Variants in DHRSX observed in about 807,000 individuals in gnomAD.
DHRSX encodes polyprenol dehydrogenase.
In DHRSX, 31 loss-of-function variants were observed where a neutral mutation model predicts 34.0. That is an observed-to-expected ratio of 0.91 (90% CI 0.69 to 1.23). The LOEUF is 1.23. Among genes scored for constraint, DHRSX ranks in the 50% most tolerant of loss-of-function variants. DHRSX has a pLI of 0.00. For synonymous variants in DHRSX, 201 were observed against 183.8 expected, an observed-to-expected ratio of 1.09 and a Z score of -0.76; for missense variants, 414 against 428.1, an observed-to-expected ratio of 0.97 and a Z score of 0.29.
chrX:2,499,439 A>G (rs764444449), intron 1 of DHRSX, among the ~76,000 whole-genome samples: 52 of 151,808 alleles, frequency 3.4e-4, no homozygotes, highest in Admixed American at 5.9e-4. Flanking sequence ...CCTTTATTCC[A>G]GTTCACAAAT....
intron 3 of DHRSX, among the ~76,000 whole-genome samples, chrX:2,345,431 T>C (rs1163910012): frequency 6.6e-6 from 1 of 151,540 alleles, no homozygotes; most frequent in Non-Finnish European, 1.5e-5. Flanking sequence ...TCATCTGAGG[T>C]CAGGAGTTTG....
At chrX:2,303,869 G>GTGGATGGGTGGA (rs1569485740) in intron 3 of DHRSX, among the ~76,000 whole-genome samples, 1 of 108,272 alleles carries the variant, frequency 9.2e-6, no homozygotes. Flanking sequence ...GGGTGGATGG[G>GTGGATGGGTGGA]TGGATGGGTG....
chrX:2,314,458 GAAGGAAGGGGA>G (rs1569487297), intron 3 of DHRSX, among the ~76,000 whole-genome samples: 16 of 107,758 alleles, frequency 1.5e-4, no homozygotes, highest in Admixed American at 2.5e-4. Flanking sequence ...GAGAAGGGAG[GAAGGAAGGGGA>G]GAAGGAAGGA....
At chrX:2,283,558 G>A (rs181287800) in intron 4 of DHRSX, among the ~76,000 whole-genome samples, 120 of 152,218 alleles carry the variant, frequency 7.9e-4, no homozygotes, top group African/African-American at 2.7e-3. Context: ...AAAGACAGGA[G>A]ATGGCTGCTC....
intron 1 of DHRSX, among the ~76,000 whole-genome samples, chrX:2,474,950 A>T (rs2044654109): frequency 6.6e-6 from 1 of 150,768 alleles, no homozygotes; most frequent in Non-Finnish European, 1.5e-5. Flanking sequence ...GGGAAGGGAC[A>T]GCACTAAAGA....
chrX:2,245,440 C>G (rs2016253729), intron 5 of DHRSX, among the ~76,000 whole-genome samples: 1 of 151,900 alleles, frequency 6.6e-6, no homozygotes, highest in Non-Finnish European at 1.5e-5. Context: ...TCCCGAGTAG[C>G]TGGGATTACC....
chrX:2,412,361 G>A (rs1603065009), intron 2 of DHRSX, among the ~76,000 whole-genome samples: 2 of 152,198 alleles, frequency 1.3e-5, no homozygotes, highest in African/African-American at 2.4e-5. Flanking sequence ...TGGGATGACA[G>A]ACATGAGCCA....
chrX:2,391,132 T>A (rs1476758882), intron 3 of DHRSX, among the ~76,000 whole-genome samples: 2 of 152,214 alleles, frequency 1.3e-5, no homozygotes, highest in African/African-American at 4.8e-5. Flanking sequence ...TGTGCAAATA[T>A]CTGTTGGAGA....
At chrX:2,366,905 G>A (rs2043000337) in intron 3 of DHRSX, among the ~76,000 whole-genome samples, 1 of 151,928 alleles carries the variant, frequency 6.6e-6, no homozygotes, top group African/African-American at 2.4e-5. Context: ...TCATTCGTGT[G>A]TACAATATTC....
chrX:2,307,117 A>C (rs2042107799), intron 3 of DHRSX, among the ~76,000 whole-genome samples: 1 of 152,146 alleles, frequency 6.6e-6, no homozygotes, highest in Non-Finnish European at 1.5e-5. Flanking sequence ...TATACCGTAG[A>C]ATAGTATAGA....
intron 6 of DHRSX, among the ~76,000 whole-genome samples, chrX:2,235,428 A>G (rs1001603667): frequency 1.3e-4 from 20 of 152,128 alleles, no homozygotes; most frequent in African/African-American, 4.6e-4. Context: ...CCTTAAATTT[A>G]TAATAAATAA....
chrX:2,364,009 A>T (rs1421701412), intron 3 of DHRSX, among the ~76,000 whole-genome samples: 1 of 152,036 alleles, frequency 6.6e-6, no homozygotes, highest in Non-Finnish European at 1.5e-5. Context: ...GAGACCCCTG[A>T]TCCACACAGC....
intron 3 of DHRSX, among the ~76,000 whole-genome samples, chrX:2,375,369 G>A (rs917012480): frequency 2.9e-5 from 4 of 138,016 alleles, no homozygotes; most frequent in Admixed American, 2.9e-4. Context: ...GGATATCATG[G>A]GCAGCATTGA....
At chrX:2,381,277 T>A (rs1407645723) in intron 3 of DHRSX, among the ~76,000 whole-genome samples, 1 of 152,128 alleles carries the variant, frequency 6.6e-6, no homozygotes, top group Non-Finnish European at 1.5e-5. Context: ...ATGAGTGTCC[T>A]TCTAAAAGGG....
chrX:2,444,694 G>C (rs1450648171), intron 1 of DHRSX, among the ~76,000 whole-genome samples: 1 of 151,960 alleles, frequency 6.6e-6, no homozygotes, highest in African/African-American at 2.4e-5. Flanking sequence ...AACTTGCCTG[G>C]GCATGATGGC....
chrX:2,303,341 T>G (rs1298524536), intron 3 of DHRSX, among the ~76,000 whole-genome samples: 1 of 152,112 alleles, frequency 6.6e-6, no homozygotes, highest in Non-Finnish European at 1.5e-5. Context: ...GATGGGATCA[T>G]GGAGGTGGAT....
At chrX:2,265,874 C>T (rs2041455507) in intron 5 of DHRSX, among the ~76,000 whole-genome samples, 2 of 141,520 alleles carry the variant, frequency 1.4e-5, no homozygotes, top group African/African-American at 2.7e-5. Flanking sequence ...CCCAGAGCAC[C>T]AATGCTCGGC....
intron 6 of DHRSX, among the ~76,000 whole-genome samples, chrX:2,225,419 CTCAT>C (rs1429361443): frequency 6.6e-6 from 1 of 152,126 alleles, no homozygotes; most frequent in East Asian, 1.9e-4. Flanking sequence ...CATTCACATA[CTCAT>C]TCACATGCAT....
chrX:2,331,436 G>GTTTTTTTTTTTTT lies in DHRSX; in HGVS notation c.287-39846_287-39834dup, dbSNP rs1159991841. Among the ~76,000 whole-genome samples the GTTTTTTTTTTTTT allele has an allele frequency of 2.7e-3, 255 of 94,638 alleles. 32 individuals are homozygous for GTTTTTTTTTTTTT. Among genetic ancestry groups the GTTTTTTTTTTTTT allele is most frequent in the Non-Finnish European group, 4.5e-3 (209 of 46,452 alleles). 62.1% of individuals were successfully genotyped at this position (94,638 alleles called of 152,430 possible). Reference sequence around the variant, plus strand: ...GGAATCCTTTCAGGAAGGTTTTTTGGTTTTTTTTTTTTTTTTTTTTTTTTT... The same window carrying GTTTTTTTTTTTTT: ...GGAATCCTTTCAGGAAGGTTTTTTGGTTTTTTTTTTTTTTTTTTTTTTTTTTTTTTTTTTTTTT... On this transcript the variant is annotated intron_variant, in intron 3 of 6. Coordinates refer to ENST00000334651, the MANE Select transcript of DHRSX (RefSeq NM_145177.3).
Sources: gnomAD v4.1 joint callset for allele counts (sites outside exome capture counted in the v4.1 genomes callset) on GRCh38, gnomAD v4.1.1 for gene constraint, MANE v1.5 for transcripts, NCBI Gene and HGNC (gene_info 2026-07-23, HGNC 2026-07-21) for gene names.